The following EYS variants were observed in gnomAD, a reference collection of about 807,000 sequenced individuals.
EYS encodes EGF-like photoreceptor maintenance factor.
A neutral mutation model predicts 282.1 loss-of-function variants in EYS; 250 were observed. The observed-to-expected ratio is 0.89, with a 90% CI of 0.80 to 0.98. The LOEUF (loss-of-function observed/expected upper bound fraction) is 0.98, where lower values mean the gene tolerates loss of function less well. EYS is among the 50% of genes least tolerant of loss of function. EYS has a pLI of 0.00. For synonymous variants in EYS, 1,355 were observed against 1,282.9 expected, an observed-to-expected ratio of 1.06 and a Z score of -1.20; for missense variants, 4,016 against 3,709.0, an observed-to-expected ratio of 1.08 and a Z score of -2.15.
chr6:65,129,293 C>T (rs1225370463), intron 12 of EYS, among the ~76,000 whole-genome samples: 1 of 151,916 alleles, frequency 6.6e-6, no homozygotes, highest in African/African-American at 2.4e-5. Context: ...TTAAACGCAA[C>T]TGCAACAACA....
chr6:64,976,588 G>T (rs1480495520), intron 14 of EYS, among the ~76,000 whole-genome samples: 1 of 151,840 alleles, frequency 6.6e-6, no homozygotes, highest in Non-Finnish European at 1.5e-5. Flanking sequence ...CTCATTTATT[G>T]GGGGCTCCAT....
intron 5 of EYS, among the ~76,000 whole-genome samples, chr6:65,479,865 T>G (rs1419255777): frequency 6.6e-6 from 1 of 151,896 alleles, no homozygotes; most frequent in African/African-American, 2.4e-5. Flanking sequence ...GGAAAAAAAT[T>G]TTAAAGTATG....
chr6:63,843,675 C>T (rs1772023354), intron 36 of EYS, among the ~76,000 whole-genome samples: 2 of 152,126 alleles, frequency 1.3e-5, no homozygotes, highest in Admixed American at 1.3e-4. Context: ...GGAAGCATTC[C>T]CGTTGAAAAC....
At chr6:63,880,168 G>A (rs927967187) in intron 35 of EYS, among the ~76,000 whole-genome samples, 2 of 152,134 alleles carry the variant, frequency 1.3e-5, no homozygotes, top group Non-Finnish European at 2.9e-5. Flanking sequence ...GTTGCCAAAG[G>A]ACATTAACAT....
intron 13 of EYS, among the ~76,000 whole-genome samples, chr6:65,050,700 T>C (rs1262690938): frequency 6.6e-6 from 1 of 151,586 alleles, no homozygotes; most frequent in East Asian, 1.9e-4. Context: ...AGATCCCCAT[T>C]GTAGCTTGAC....
intron 35 of EYS, among the ~76,000 whole-genome samples, chr6:63,917,982 T>C (rs929103943): frequency 2.8e-4 from 42 of 152,230 alleles, no homozygotes; most frequent in African/African-American, 9.9e-4. Flanking sequence ...TGCAAAGCCT[T>C]GTTTTGTATA....
intron 36 of EYS, among the ~76,000 whole-genome samples, chr6:63,809,502 A>G (rs1433152580): frequency 6.6e-6 from 1 of 152,182 alleles, no homozygotes; most frequent in Non-Finnish European, 1.5e-5. Flanking sequence ...TACCATGTGT[A>G]AAGTCATGCA....
chr6:64,631,152 AAAT>A (rs1767766485), intron 22 of EYS: 1 of 152,208 alleles, frequency 6.6e-6, no homozygotes, highest in African/African-American at 2.4e-5. Flanking sequence ...TAGCAACTAA[AAAT>A]ATAACAATGA....
intron 30 of EYS, among the ~76,000 whole-genome samples, chr6:64,297,566 A>G (rs1327140746): frequency 6.6e-6 from 1 of 152,238 alleles, no homozygotes; most frequent in Non-Finnish European, 1.5e-5. Context: ...CAATAAAATT[A>G]TAGATTTCTC....
chr6:65,612,921 C>A (rs967744703), intron 2 of EYS, among the ~76,000 whole-genome samples: 1 of 151,280 alleles, frequency 6.6e-6, no homozygotes, highest in South Asian at 2.1e-4. Context: ...TCAATTTTAT[C>A]AAAAATATGA....
intron 31 of EYS, among the ~76,000 whole-genome samples, chr6:64,157,377 G>T (rs1451070903): frequency 1.3e-5 from 2 of 152,120 alleles, no homozygotes; most frequent in Non-Finnish European, 2.9e-5. Flanking sequence ...CAGTGTGATA[G>T]AAAAGAAAAA....
intron 36 of EYS, among the ~76,000 whole-genome samples, chr6:63,852,182 A>AAT (rs1554182093): frequency 1.0e-4 from 15 of 143,142 alleles, no homozygotes; most frequent in Middle Eastern, 3.6e-3. Flanking sequence ...AAAAAAAAAA[A>AAT]ATCAATGAAT....
At chr6:64,730,693 G>T (rs1234746529) in intron 22 of EYS, 3 of 152,046 alleles carry the variant, frequency 2.0e-5, no homozygotes, top group African/African-American at 7.2e-5. Flanking sequence ...GGCCAGGATG[G>T]TCTCCATCTC....
intron 36 of EYS, among the ~76,000 whole-genome samples, chr6:63,810,187 C>T (rs1354898386): frequency 1.6e-4 from 24 of 148,456 alleles, no homozygotes; most frequent in Non-Finnish European, 1.5e-5. Context: ...CTTGAATCCG[C>T]GAGACGGAGG....
intron 15 of EYS, among the ~76,000 whole-genome samples, chr6:64,926,647 G>T (rs2150084697): frequency 6.6e-6 from 1 of 152,146 alleles, no homozygotes; most frequent in Admixed American, 6.5e-5. Context: ...TTTTCTAAGT[G>T]CCCAAAGTTT....
chr6:65,088,044 C>T (rs1012101203), intron 12 of EYS, among the ~76,000 whole-genome samples: 17 of 152,144 alleles, frequency 1.1e-4, no homozygotes, highest in Admixed American at 8.5e-4. Flanking sequence ...GTGAAGAAGG[C>T]GTCTGCTTCT....
intron 41 of EYS, among the ~76,000 whole-genome samples, chr6:63,751,777 T>C (rs1030845667): frequency 3.3e-5 from 5 of 152,194 alleles, no homozygotes; most frequent in Admixed American, 3.3e-4. Flanking sequence ...GTATCAATTA[T>C]AGAAAAAATA....
At position 63,862,142 on chromosome 6, in the gene EYS, T is replaced by C. The variant is rs535960773; in HGVS notation, c.7228+2044A>G. The stretch of plus-strand genomic sequence containing the variant: ...TCCTCCTCTGAGAGTGATTCTTGTC[T>C]TGGTGACCTGTTAAAATGCCCTCCA... On this transcript the variant is annotated intron_variant, in intron 36 of 42. Transcript: ENST00000503581. 3.9e-5 allele frequency among the ~76,000 whole-genome samples: 6 copies of C among 152,346 alleles called. No homozygotes were observed. The East Asian group carries it at 1.2e-3, about 29-fold the overall frequency.
chr6:64,907,845 A>T (rs1016529768), intron 16 of EYS, among the ~76,000 whole-genome samples: 1 of 152,174 alleles, frequency 6.6e-6, no homozygotes, highest in Non-Finnish European at 1.5e-5. Flanking sequence ...AAATAAAAAA[A>T]AAAGTCTGAG....
Sources: allele counts gnomAD v4.1 joint callset (sites outside exome capture counted in the v4.1 genomes callset), GRCh38; gene constraint gnomAD v4.1.1; transcripts MANE v1.5; gene names NCBI Gene and HGNC (gene_info 2026-07-23, HGNC 2026-07-21).